FGD5: variants seen among roughly 807,000 people sequenced by gnomAD.
The protein encoded by FGD5 is FYVE, RhoGEF and PH domain containing 5.
FGD5 carries 28 observed loss-of-function variants against 133.4 expected under a neutral mutation model. The ratio of observed to expected loss-of-function variants is 0.21; its 90% confidence interval spans 0.16 to 0.29. FGD5 has a LOEUF of 0.29. FGD5 is among the 10% of genes least tolerant of loss of function. The pLI is 1.00. For synonymous variants in FGD5, 810 were observed against 776.5 expected, an observed-to-expected ratio of 1.04 and a Z score of -0.72; for missense variants, 1,858 against 1,895.2, an observed-to-expected ratio of 0.98 and a Z score of 0.36.
intron 2 of FGD5, among the ~76,000 whole-genome samples, chr3:14,874,254 C>T (rs373460816): frequency 1.3e-5 from 2 of 152,160 alleles, no homozygotes; most frequent in Admixed American, 1.3e-4. Flanking sequence ...CATGGTGGCT[C>T]ATGCCTGTGT....
chr3:14,838,331 G>T (rs2125083032), intron 1 of FGD5, among the ~76,000 whole-genome samples: 1 of 152,324 alleles, frequency 6.6e-6, no homozygotes, highest in African/African-American at 2.4e-5. Context: ...GGCCCACCCA[G>T]ATAACCAAGG....
At chr3:14,855,259 G>T (rs1268200877) in intron 1 of FGD5, among the ~76,000 whole-genome samples, 1 of 152,272 alleles carries the variant, frequency 6.6e-6, no homozygotes, top group Non-Finnish European at 1.5e-5. Flanking sequence ...TTCATCTGTT[G>T]TTGGATACCT....
chr3:14,811,843 A>T (rs2036298951), intron 1 of FGD5, among the ~76,000 whole-genome samples: 1 of 152,184 alleles, frequency 6.6e-6, no homozygotes, highest in Admixed American at 6.5e-5. Context: ...TCTGCCTGCC[A>T]AGGAGCAATC....
At position 14,819,516 on chromosome 3, in the gene FGD5, G is replaced by A; in HGVS notation, c.445G>A (p.Gly149Ser). The A allele has an allele frequency of 6.4e-7, 1 of 1,551,454 alleles. No individual in the cohort carries two copies. Among genetic ancestry groups the A allele is most frequent in the Non-Finnish European group, 8.7e-7 (1 of 1,146,970 alleles). Residue 149 changes from glycine to serine, a missense_variant, in exon 1 of 20, where the codon GGC becomes AGC. Physicochemically the swap from Gly to Ser is moderately conservative, Grantham distance 56. Coordinates refer to ENST00000285046, the MANE Select transcript of FGD5 (RefSeq NM_152536.4). This position sits in a 1 kb window ranked among gnomAD's most constrained non-coding sequence, Gnocchi z 4.1. ...TDLALEDEGE[G>S]CADEPGTLEQ... ...CCTTGCTCTTGAGGATGAAGGGGAG[G>A]GCTGCGCTGATGAGCCAGGGACACT...
intron 1 of FGD5, among the ~76,000 whole-genome samples, chr3:14,845,609 A>C (rs894911775): frequency 6.6e-5 from 10 of 152,098 alleles, no homozygotes; most frequent in Admixed American, 6.5e-4. Flanking sequence ...TGAGGCTGGG[A>C]TGTGGGAGAG....
upstream of FGD5, chr3:14,810,841 C>G: frequency 1.0e-6 from 1 of 984,956 alleles, no homozygotes; most frequent in Non-Finnish European, 1.2e-6. Flanking sequence ...GCCCGGGCCC[C>G]GCGCGCTGAA....
At chr3:14,894,067 T>C (rs975889913) in intron 4 of FGD5, among the ~76,000 whole-genome samples, 2 of 152,072 alleles carry the variant, frequency 1.3e-5, no homozygotes, top group African/African-American at 4.8e-5. Flanking sequence ...CTTGTTTCTT[T>C]TATCACAATG....
At chr3:14,880,089 A>G (rs2037796569) in intron 2 of FGD5, among the ~76,000 whole-genome samples, 1 of 152,114 alleles carries the variant, frequency 6.6e-6, no homozygotes, top group Non-Finnish European at 1.5e-5. Context: ...GCTCATGCCT[A>G]TAATTTCAGC....
intron 1 of FGD5, among the ~76,000 whole-genome samples, chr3:14,837,178 C>T (rs996620047): frequency 7.2e-5 from 11 of 152,146 alleles, no homozygotes; most frequent in East Asian, 1.9e-4. Flanking sequence ...TGGGGCCCTG[C>T]GTGCCCTTGC....
chr3:14,877,202 T>C (rs543231508), intron 2 of FGD5, among the ~76,000 whole-genome samples: 3 of 152,382 alleles, frequency 2.0e-5, no homozygotes, highest in East Asian at 3.9e-4. Flanking sequence ...AATGGCCCAG[T>C]TGGGCAACGC....
In FGD5 at chr3:14,923,089, A is replaced by G. The variant is rs1168454373; in HGVS notation, c.3851A>G (p.Tyr1284Cys). Reference protein sequence around the residue: ...NCSRNKYPLKYLKDRMAKVCD... With the variant: ...NCSRNKYPLKCLKDRMAKVCD... The stretch of plus-strand genomic sequence containing the variant: ...TCGCGGAACAAGTACCCGCTGAAGT[A>G]CCTGAAGGACAGGATGGCCAAGGTC... The change falls in exon 16 of 20, where the codon TAC becomes TGC. Residue 1284 changes from tyrosine to cysteine, a missense_variant. By Grantham distance (194) the Tyr-to-Cys change is radical (BLOSUM62 -2). Around this residue, in one of 3 missense-constraint regions of FGD5, gnomAD observed 1,824 missense variants for 1,848.9 expected, o/e 0.99. Transcript: ENST00000285046. 6.2e-7 allele frequency: 1 copy of G among 1,613,864 alleles called. No individual in the cohort carries two copies. Among genetic ancestry groups the G allele is most frequent in the South Asian group, 1.1e-5 (1 of 91,066 alleles).
rs960940376 is a variant in FGD5, at chr3:14,917,774, G to T, written c.3489+442G>T. ...GTATCCAGCACCACCATCCATCTCA[G>T]AACTCTTTCCTCTCCCCAGACTGAA... On this transcript the variant is annotated intron_variant, in intron 12 of 19. Transcript: ENST00000285046. This position sits in a 1 kb window ranked among gnomAD's most constrained non-coding sequence, Gnocchi z 4.1. Among the ~76,000 whole-genome samples, 1 of 152,112 alleles carries T rather than the reference G, an allele frequency of 6.6e-6. No homozygotes were observed. The highest frequency in any genetic ancestry group is 2.4e-5 in the African/African-American group (1 of 41,402).
chr3:14,913,421 T>C (rs552703140), intron 11 of FGD5, among the ~76,000 whole-genome samples: 25 of 151,992 alleles, frequency 1.6e-4, no homozygotes, highest in Admixed American at 1.5e-3. Context: ...GAATTCCCCC[T>C]CTTCAGGACG....
At position 14,922,169 on chromosome 3, in the gene FGD5, A is replaced by G; in HGVS notation, c.3669+152A>G. ...CACACCCCTGCCATGCTCCCACCCT[A>G]GTCAGGGGCGGCCTCCGTGTAACCT... On this transcript the variant is annotated intron_variant, in intron 14 of 19. Coordinates refer to ENST00000285046, the MANE Select transcript of FGD5 (RefSeq NM_152536.4). This position sits in a 1 kb window ranked among gnomAD's most constrained non-coding sequence, Gnocchi z 4.1. 1.0e-6 allele frequency: 1 copy of G among 988,300 alleles called. No homozygotes were observed. Among genetic ancestry groups the G allele is most frequent in the Non-Finnish European group, 1.5e-6 (1 of 667,142 alleles). The allele number at this position is 988,300 out of a possible 1,614,324, so 61.2% of individuals were successfully genotyped here. A position where few individuals can be genotyped will look rare whatever the true frequency, so the allele number is the denominator to read the frequency against.
chr3:14,857,239 C>T (rs1240449503), intron 1 of FGD5, among the ~76,000 whole-genome samples: 3 of 152,044 alleles, frequency 2.0e-5, no homozygotes, highest in Admixed American at 1.3e-4. Context: ...AGCCTCCACC[C>T]CCCCAGGCTC....
chr3:14,881,095 GTGTGAGTTTGTGTA>G (rs2037817350), intron 4 of FGD5, among the ~76,000 whole-genome samples: 1 of 152,202 alleles, frequency 6.6e-6, no homozygotes, highest in South Asian at 2.1e-4. Flanking sequence ...GGATTGCTAT[GTGTGAGTTTGTGTA>G]TGTGAGTTTG....
chr3:14,927,946 T>A (rs1478917773), intron 18 of FGD5, among the ~76,000 whole-genome samples: 11 of 150,998 alleles, frequency 7.3e-5, no homozygotes, highest in African/African-American at 2.7e-4. Flanking sequence ...TTTTTTTTTT[T>A]TAATTTTTTT....
At chr3:14,880,497 C>A in intron 2 of FGD5, 75 bp from the exon 3 acceptor site, 2 of 1,458,456 alleles carry the variant, frequency 1.4e-6, no homozygotes, top group Non-Finnish European at 1.9e-6. Context: ...TTGGAACTTG[C>A]CTCCAGCAGC....
At chr3:14,930,031 G>A (rs1359678704) in intron 18 of FGD5, among the ~76,000 whole-genome samples, 1 of 152,202 alleles carries the variant, frequency 6.6e-6, no homozygotes, top group Non-Finnish European at 1.5e-5. Context: ...TGTGTGGTAT[G>A]ACATGGGAGT....
Sources: gnomAD v4.1 joint callset for allele counts (sites outside exome capture counted in the v4.1 genomes callset) on GRCh38, gnomAD v4.1.1 for gene constraint, gnomAD v4.1.1 regional missense constraint, Gnocchi (gnomAD v3.1) non-coding constraint, MANE v1.5 for transcripts, NCBI Gene and HGNC (gene_info 2026-07-23, HGNC 2026-07-21) for gene names.